Variants in SGMS1 observed in about 807,000 individuals in gnomAD.
SGMS1 encodes the protein sphingomyelin synthase 1.
In SGMS1, 13 loss-of-function variants were observed where a neutral mutation model predicts 46.2. The observed-to-expected ratio is 0.28, with a 90% CI of 0.18 to 0.45. The LOEUF (loss-of-function observed/expected upper bound fraction) is 0.45. Ranked by LOEUF, SGMS1 falls within the 20% of genes least tolerant of loss-of-function variation. SGMS1 has a pLI of 1.00. For synonymous variants in SGMS1, 203 were observed against 187.8 expected (o/e 1.08, Z -0.66); for missense variants, 324 against 519.9 (o/e 0.62, Z 3.66).
chr10:50,531,969 G>A (rs1435411555), intron 2 of SGMS1, among the ~76,000 whole-genome samples: 1 of 152,166 alleles, frequency 6.6e-6, no homozygotes, highest in Non-Finnish European at 1.5e-5. Context: ...ACCAAATTCT[G>A]GCTTGGGACT....
chr10:50,322,838 CAAA>C (rs58049533), intron 8 of SGMS1, among the ~76,000 whole-genome samples: 1,455 of 51,142 alleles, frequency 0.028, 10 homozygotes, highest in African/African-American at 0.086. Flanking sequence ...GACTCCGTCT[CAAA>C]AAAAAAAAAA....
intron 1 of SGMS1, 115 bp downstream of exon 1, chr10:50,623,592 C>CG (rs1351378647): frequency 3.0e-6 from 3 of 985,184 alleles, no homozygotes; most frequent in South Asian, 4.7e-5. Flanking sequence ...CACGCCCCCT[C>CG]GCCCCAGAGC....
chr10:50,468,609 T>C (rs1377554037), intron 3 of SGMS1, among the ~76,000 whole-genome samples: 3 of 152,156 alleles, frequency 2.0e-5, no homozygotes, highest in Non-Finnish European at 2.9e-5. Context: ...CCCTCAGAGA[T>C]AGCCACAGAT....
intron 3 of SGMS1, among the ~76,000 whole-genome samples, chr10:50,504,544 A>G (rs1290013004): frequency 6.6e-6 from 1 of 152,210 alleles, no homozygotes; most frequent in Admixed American, 6.5e-5. Context: ...AAGCTCATAC[A>G]GGTAGTAAGT....
intron 6 of SGMS1, among the ~76,000 whole-genome samples, chr10:50,351,674 C>G (rs1430789541): frequency 6.6e-6 from 1 of 152,140 alleles, no homozygotes; most frequent in Non-Finnish European, 1.5e-5. Flanking sequence ...TCTCTTGCCG[C>G]CACCATGTAA....
chr10:50,338,016 G>A (rs1847744272), intron 7 of SGMS1, among the ~76,000 whole-genome samples: 1 of 152,042 alleles, frequency 6.6e-6, no homozygotes, highest in Admixed American at 6.5e-5. Context: ...GTTCATTCCT[G>A]CAGGATTAAC....
intron 6 of SGMS1, among the ~76,000 whole-genome samples, chr10:50,357,905 A>G (rs967532294): frequency 3.3e-5 from 5 of 152,220 alleles, no homozygotes; most frequent in African/African-American, 1.2e-4. Context: ...TGATAATGAC[A>G]AAAGAATGAT....
chr10:50,396,448 G>A (rs1321486825), intron 6 of SGMS1, among the ~76,000 whole-genome samples: 2 of 152,116 alleles, frequency 1.3e-5, no homozygotes, highest in African/African-American at 4.8e-5. Flanking sequence ...ATACAAAAGA[G>A]AAGTGAAAAA....
chr10:50,612,940 C>T (rs538979686), intron 1 of SGMS1, among the ~76,000 whole-genome samples: 1 of 152,324 alleles, frequency 6.6e-6, no homozygotes, highest in Non-Finnish European at 1.5e-5. Flanking sequence ...AATTCCTGAC[C>T]TCATAGCCAC....
At chr10:50,611,882 C>A (rs543850863) in intron 1 of SGMS1, among the ~76,000 whole-genome samples, 2 of 152,182 alleles carry the variant, frequency 1.3e-5, no homozygotes, top group African/African-American at 2.4e-5. Flanking sequence ...ACCCCCCATC[C>A]CCTTTTCCAA....
At chr10:50,621,681 A>G (rs536367811) in intron 1 of SGMS1, among the ~76,000 whole-genome samples, 1 of 152,370 alleles carries the variant, frequency 6.6e-6, no homozygotes, top group South Asian at 2.1e-4. Flanking sequence ...TCTTTTATTA[A>G]AAAGTTTCCG....
rs528913369 is a variant in SGMS1 at position 50,617,748 on chromosome 10, A to AT, written c.-684+5958dup. Reference sequence around the variant, plus strand: ...ACCAATTAGCCAGGCTAATTTTTGTATTTTTTGTTCAGACAGGGTTTTGAC... The same window carrying AT: ...ACCAATTAGCCAGGCTAATTTTTGTATTTTTTTGTTCAGACAGGGTTTTGAC... On this transcript the variant is annotated intron_variant, in intron 1 of 10. Transcript: ENST00000361781. Among the ~76,000 whole-genome samples the AT allele has an allele frequency of 6.9e-3, 1,046 of 150,660 alleles. 6 individuals carry two copies. The highest frequency in any genetic ancestry group is 0.011 in the Middle Eastern group (3 of 284).
At chr10:50,599,690 C>T (rs886985099) in intron 1 of SGMS1, among the ~76,000 whole-genome samples, 1 of 152,026 alleles carries the variant, frequency 6.6e-6, no homozygotes, top group Non-Finnish European at 1.5e-5. Context: ...TAGTGAAACC[C>T]CGTCTCTATT....
intron 5 of SGMS1, among the ~76,000 whole-genome samples, chr10:50,439,402 C>T (rs1849514223): frequency 1.3e-5 from 2 of 152,202 alleles, no homozygotes; most frequent in South Asian, 2.1e-4. Context: ...GCTCATTAGT[C>T]TTCTAGTCCC....
At chr10:50,411,033 T>C (rs183347490) in intron 6 of SGMS1, among the ~76,000 whole-genome samples, 141 of 152,288 alleles carry the variant, frequency 9.3e-4, no homozygotes, top group African/African-American at 2.9e-3. Context: ...TCTTTCCAAA[T>C]TGAGAAGAGG....
intron 3 of SGMS1, among the ~76,000 whole-genome samples, chr10:50,518,641 A>G (rs1191209201): frequency 6.6e-6 from 1 of 151,738 alleles, no homozygotes; most frequent in Non-Finnish European, 1.5e-5. Flanking sequence ...CTGGTCTAGA[A>G]CTCCTGACCT....
chr10:50,366,111 G>C (rs933828430), intron 6 of SGMS1, among the ~76,000 whole-genome samples: 6 of 152,134 alleles, frequency 3.9e-5, no homozygotes, highest in African/African-American at 1.4e-4. Context: ...TTTCTCCACA[G>C]CAAAAGAAAC....
At chr10:50,541,816 A>T (rs1838055497) in intron 2 of SGMS1, among the ~76,000 whole-genome samples, 1 of 152,168 alleles carries the variant, frequency 6.6e-6, no homozygotes, top group Non-Finnish European at 1.5e-5. Context: ...ATGCACTTTT[A>T]AAAAAAGGAT....
chr10:50,503,531 C>T (rs560809617), intron 3 of SGMS1, among the ~76,000 whole-genome samples: 73 of 152,294 alleles, frequency 4.8e-4, no homozygotes, highest in Middle Eastern at 3.4e-3. Flanking sequence ...AGAACAACCC[C>T]CTTTGACTGT....
Sources: allele counts gnomAD v4.1 joint callset (sites outside exome capture counted in the v4.1 genomes callset), GRCh38; gene constraint gnomAD v4.1.1; transcripts MANE v1.5; gene names NCBI Gene and HGNC (gene_info 2026-07-23, HGNC 2026-07-21).